PTBP1: variants seen among roughly 807,000 people sequenced by gnomAD.
PTBP1 encodes the protein polypyrimidine tract-binding protein 1.
In PTBP1, 8 loss-of-function variants were observed where a neutral mutation model predicts 59.8. That is an observed-to-expected ratio of 0.13 (90% CI 0.08 to 0.24). The LOEUF (loss-of-function observed/expected upper bound fraction) is 0.24, where lower values mean the gene tolerates loss of function less well. Ranked by LOEUF, PTBP1 falls within the 10% of genes least tolerant of loss-of-function variation. The pLI is 1.00. For missense variants in PTBP1, 686 were observed against 767.0 expected (o/e 0.89, Z 1.25); for synonymous variants, 490 against 320.7 (o/e 1.53, Z -5.64).
Position 805,031 on chromosome 19 carries a change from A to G in PTBP1, c.736A>G (p.Ile246Val). Residue 246 changes from isoleucine (I) to valine (V), a missense_variant, in exon 8 of 15, where the codon ATC becomes GTC. Transcript: ENST00000356948. ...HAKLSLDGQN[I>V]YNACCTLRID... ...CCCTCAGTCGCTGGACGGGCAGAAC[A>G]TCTACAACGCCTGCTGCACGCTGCG... 6.2e-7 allele frequency: 1 copy of G among 1,613,706 alleles called. No homozygotes were observed. The highest frequency in any genetic ancestry group is 8.5e-7 in the Non-Finnish European group (1 of 1,179,820).
rs905792586 is a variant in PTBP1, at chr19:803,484, G to C, written c.40-77G>C. ...CTGGGACCCCAGGCAGCCCAAGTGG[G>C]AGCAGGGCCGGCCGGTGGGGAAGGG... On this transcript the variant is annotated intron_variant, in intron 2 of 14. Transcript: ENST00000356948. The C allele has an allele frequency of 2.3e-6, 3 of 1,298,928 alleles. No homozygotes were observed. The African/African-American group carries it at 4.4e-5, about 19-fold the overall frequency. 80.5% of individuals were successfully genotyped at this position (1,298,928 alleles called of 1,614,324 possible). A position where few individuals can be genotyped will look rare whatever the true frequency, so the allele number is the denominator to read the frequency against.
chr19:805,748 G>A, intron 9 of PTBP1, 179 bp downstream of exon 9: 1 of 629,006 alleles, frequency 1.6e-6, no homozygotes, highest in Non-Finnish European at 2.8e-6. Context: ...GCAGTGGTAG[G>A]ACAGGGCTGT....
chr19:807,865 A>ATT lies in PTBP1; in HGVS notation c.1120-4_1120-3insTT. The ATT allele has an allele frequency of 6.2e-7, 1 of 1,613,384 alleles. No individual in the cohort carries two copies. Among genetic ancestry groups the ATT allele is most frequent in the Non-Finnish European group, 8.5e-7 (1 of 1,179,426 alleles). On this transcript the variant is annotated splice_region_variant and splice_polypyrimidine_tract_variant and intron_variant, in intron 10 of 14. Coordinates refer to ENST00000356948, the MANE Select transcript of PTBP1 (RefSeq NM_002819.5). ...TCCGCTGCCTTGCTCTGCTGTCTCT[A>ATT]AAGAGAGTCACACCCCAAAGCCTCT...
At position 805,575 on chromosome 19, in the gene PTBP1, C is replaced by G. The variant is rs768336278; in HGVS notation, c.970+6C>G. The G allele has an allele frequency of 2.4e-5, 38 of 1,612,036 alleles. No homozygotes were observed. The Admixed American group carries it at 5.0e-4, about 21-fold the overall frequency. On this transcript the variant is annotated splice_donor_region_variant and intron_variant, in intron 9 of 14. Transcript: ENST00000356948. ...TGCCATTCCTCAAGCTGCAGGTATTCAAACGCTTGGTCTTGGTTCCCCAGC... is the reference window on the plus strand; with the variant it reads ...TGCCATTCCTCAAGCTGCAGGTATTGAAACGCTTGGTCTTGGTTCCCCAGC...
intron 13 of PTBP1, among the ~76,000 whole-genome samples, chr19:810,256 A>T (rs2034793056): frequency 1.3e-5 from 2 of 152,312 alleles, no homozygotes; most frequent in African/African-American, 4.8e-5. Context: ...TGGTGAGCTG[A>T]GATCACGCCA....
At chr19:807,102 C>T (rs1420256578) in intron 10 of PTBP1, 3 of 148,266 alleles carry the variant, frequency 2.0e-5, no homozygotes, top group Non-Finnish European at 4.5e-5. Flanking sequence ...CTGTGACTTC[C>T]TCAAGGCGGT....
intron 1 of PTBP1, among the ~76,000 whole-genome samples, chr19:799,177 T>C (rs1251652651): frequency 6.6e-6 from 1 of 152,214 alleles, no homozygotes; most frequent in Non-Finnish European, 1.5e-5. Context: ...GGGGTCCTGC[T>C]GGGAGGGAGG....
At chr19:801,119 A>C (rs1190801001) in intron 2 of PTBP1, among the ~76,000 whole-genome samples, 4 of 151,898 alleles carry the variant, frequency 2.6e-5, no homozygotes, top group Non-Finnish European at 4.4e-5. Context: ...TGTGGGGTTA[A>C]AGACACCTAG....
At position 810,517 on chromosome 19, in the gene PTBP1, A is replaced by G. The variant is rs1016907895; in HGVS notation, c.1464-26A>G. 4 of 1,607,150 alleles carry G rather than the reference A, an allele frequency of 2.5e-6. No individual in the cohort carries two copies. The East Asian group carries it at 9.0e-5, about 36-fold the overall frequency. On this transcript the variant is annotated intron_variant, in intron 13 of 14. Transcript: ENST00000356948. ...GGCGCCCCCACCCCCACGCGGCCCC[A>G]GGCTCACGCCTTTCTCCTCCCACAG...
In PTBP1 at chr19:808,712, C is replaced by T. The variant is rs767736495; in HGVS notation, c.1413C>T (p.Asn471=). The T allele has an allele frequency of 1.2e-6, 2 of 1,613,340 alleles. No individual in the cohort carries two copies. The highest frequency in any genetic ancestry group is 1.7e-6 in the Non-Finnish European group (2 of 1,179,932). Residue 471 remains asparagine (N), a synonymous_variant, in exon 13 of 15, where the codon AAC becomes AAT. Coordinates refer to ENST00000356948, the MANE Select transcript of PTBP1 (RefSeq NM_002819.5). This position sits in a 1 kb window ranked among gnomAD's most constrained non-coding sequence, Gnocchi z 4.7. The part of the protein sequence containing the change: ...LHRFKKPGSK[N]FQNIFPPSAT... ...GCTTCAAGAAGCCGGGCTCCAAGAA[C>T]TTCCAGAACATATTCCCGCCCTCGG... is the stretch of plus-strand genomic sequence containing the variant.
rs762647388 is a variant in PTBP1, at chr19:804,546, C to A, written c.450C>A (p.Ala150=). 19 of 1,604,810 alleles carry A rather than the reference C, an allele frequency of 1.2e-5. No homozygotes were observed. ...GCCTCCCACAGCGGGCCCAGGCGGCCCTGCAGGCGGTGAACTCGGTCCAGT... is the reference window on the plus strand; with the variant it reads ...GCCTCCCACAGCGGGCCCAGGCGGCACTGCAGGCGGTGAACTCGGTCCAGT... ...SSPNQARAQA[A]LQAVNSVQSG... is the part of the protein sequence containing the mutation. Residue 150 remains alanine (A), a synonymous_variant, in exon 6 of 15, where the codon GCC becomes GCA. Transcript: ENST00000356948.
At chr19:806,126 C>T (rs1424576103) in intron 9 of PTBP1, 3 of 367,442 alleles carry the variant, frequency 8.2e-6, no homozygotes, top group African/African-American at 2.1e-5. Context: ...CGTGTCTGTG[C>T]TGGCGGAGCC....
At chr19:810,450 ACTC>A in intron 13 of PTBP1, 90 bp from the exon 14 acceptor site, 1 of 1,063,476 alleles carries the variant, frequency 9.4e-7, no homozygotes, top group East Asian at 2.5e-5. Flanking sequence ...TTCCCCGGCT[ACTC>A]TGAAAACTAG....
At position 810,811 on chromosome 19, in the gene PTBP1, C is replaced by G. The variant is rs781016217; in HGVS notation, c.1659C>G (p.Ser553=). The change falls in exon 15 of 15, where the codon TCC becomes TCG. Residue 553 remains serine (S), a synonymous_variant. Coordinates refer to ENST00000356948, the MANE Select transcript of PTBP1 (RefSeq NM_002819.5). The part of the protein sequence containing the change: ...GENHHLRVSF[S]KSTI ...ACCACCACCTGCGGGTCTCCTTCTC[C>G]AAGTCCACCATCTAGGGGCACAGGC... The G allele has an allele frequency of 1.1e-5, 18 of 1,583,284 alleles. No individual in the cohort carries two copies. Among genetic ancestry groups the G allele is most frequent in the Non-Finnish European group, 1.5e-5 (18 of 1,169,222 alleles).
chr19:806,949 C>T (rs2034609964), intron 10 of PTBP1: 2 of 171,360 alleles, frequency 1.2e-5, no homozygotes, highest in Admixed American at 1.3e-4. Context: ...TGTCACTTAA[C>T]TGGTGGATCC....
In PTBP1 at chr19:804,183, T is replaced by A. The variant is rs1456878377; in HGVS notation, c.263T>A (p.Leu88His). 1 of 1,608,752 alleles carries A rather than the reference T, an allele frequency of 6.2e-7. No individual in the cohort carries two copies. Among genetic ancestry groups the A allele is most frequent in the Non-Finnish European group, 8.5e-7 (1 of 1,176,486 alleles). Reference sequence around the variant, plus strand: ...CTGCCCTTTGGGAAGGTCACCAACCTCCTGATGCTGAAGGGGAAAAACCAG... The same window carrying A: ...CTGCCCTTTGGGAAGGTCACCAACCACCTGATGCTGAAGGGGAAAAACCAG... ...LGLPFGKVTN[L>H]LMLKGKNQAF... Residue 88 changes from leucine to histidine, a missense_variant, in exon 4 of 15, where the codon CTC becomes CAC. By Grantham distance (99) the Leu-to-His change is moderately conservative. Transcript: ENST00000356948.
Position 804,016 on chromosome 19 carries a change from T to A in PTBP1, c.116-20T>A. On this transcript the variant is annotated intron_variant, in intron 3 of 14. Coordinates refer to ENST00000356948, the MANE Select transcript of PTBP1 (RefSeq NM_002819.5). ...GCTCCTGCGAGTTGGTGCCTGCATC[T>A]CATGGCACCCCCTTTTCAGCAAACG... The A allele has an allele frequency of 6.2e-7, 1 of 1,613,688 alleles. No homozygotes were observed.
At chr19:800,476 A>G (rs2034284556) in intron 2 of PTBP1, among the ~76,000 whole-genome samples, 1 of 152,068 alleles carries the variant, frequency 6.6e-6, no homozygotes. Flanking sequence ...TAGTTGGTTA[A>G]TGATTCTGCT....
At chr19:809,082 C>T (rs1022503867) in intron 13 of PTBP1, among the ~76,000 whole-genome samples, 3 of 151,802 alleles carry the variant, frequency 2.0e-5, no homozygotes, top group African/African-American at 7.3e-5. Flanking sequence ...GATCTCGGTT[C>T]ACTGCAACCT....
Sources: allele counts gnomAD v4.1 joint callset (sites outside exome capture counted in the v4.1 genomes callset), GRCh38; gene constraint gnomAD v4.1.1; non-coding constraint Gnocchi (gnomAD v3.1); transcripts MANE v1.5; gene names NCBI Gene and HGNC (gene_info 2026-07-23, HGNC 2026-07-21).